FAF1: variants seen among roughly 807,000 people sequenced by gnomAD.
The protein encoded by FAF1 is Fas associated factor 1.
Under a neutral mutation model 92.5 loss-of-function variants are expected in FAF1, and 25 were observed. The observed-to-expected ratio is 0.27, with a 90% confidence interval of 0.20 to 0.38. FAF1 has a LOEUF of 0.38. Ranked by LOEUF, FAF1 falls within the 10% of genes least tolerant of loss-of-function variation. The pLI, the probability that FAF1 is intolerant of heterozygous loss-of-function variation, is 1.00. For missense variants in FAF1, 636 were observed against 793.3 expected, an observed-to-expected ratio of 0.80 and a Z score of 2.38; for synonymous variants, 234 against 273.2, an observed-to-expected ratio of 0.86 and a Z score of 1.42.
chr1:50,918,070 A>C (rs1222012817), intron 1 of FAF1, among the ~76,000 whole-genome samples: 1 of 152,106 alleles, frequency 6.6e-6, no homozygotes. Context: ...AGCCTCCCAA[A>C]GTGCTAGGAT....
chr1:50,773,529 T>C (rs1380414497), intron 4 of FAF1, among the ~76,000 whole-genome samples: 1 of 152,194 alleles, frequency 6.6e-6, no homozygotes, highest in Non-Finnish European at 1.5e-5. Context: ...TGCAACAACA[T>C]GAATGAGTCT....
chr1:50,753,757 CTTTTT>C (rs58567132), intron 4 of FAF1, among the ~76,000 whole-genome samples: 1 of 130,582 alleles, frequency 7.7e-6, no homozygotes, highest in Non-Finnish European at 1.7e-5. Context: ...ATTATCTGTT[CTTTTT>C]TTTTTTTTTT....
intron 2 of FAF1, among the ~76,000 whole-genome samples, chr1:50,806,896 A>T (rs1269562540): frequency 6.6e-6 from 1 of 152,218 alleles, no homozygotes; most frequent in East Asian, 1.9e-4. Context: ...CATTCAAAGG[A>T]TTAGCATTTT....
rs190646307 is a variant in FAF1, at chr1:50,773,114, A to T, written c.367+14886T>A. On this transcript the variant is annotated intron_variant, in intron 4 of 18. Transcript: ENST00000396153. ...ATGCTTTAACATAACACCTACAATTAAAAAAGGATTATAAATATGTGAGTA... is the reference window on the plus strand; with the variant it reads ...ATGCTTTAACATAACACCTACAATTTAAAAAGGATTATAAATATGTGAGTA... 5.9e-5 allele frequency among the ~76,000 whole-genome samples: 9 copies of T among 152,296 alleles called. No individual in the cohort carries two copies. In the South Asian group the frequency reaches 1.0e-3, roughly 18 times the overall value.
intron 1 of FAF1, among the ~76,000 whole-genome samples, chr1:50,952,956 G>A (rs894778122): frequency 6.6e-6 from 1 of 152,248 alleles, no homozygotes; most frequent in African/African-American, 2.4e-5. Flanking sequence ...ATAGAAAAGG[G>A]GGAAATGTGG....
At chr1:50,684,257 CTTTT>C (rs756495229) in intron 7 of FAF1, among the ~76,000 whole-genome samples, 5 of 114,432 alleles carry the variant, frequency 4.4e-5, no homozygotes, top group Admixed American at 9.1e-5. Context: ...TTCCAACAGA[CTTTT>C]TTTTTTTTTT....
chr1:50,569,874 G>T (rs1481797690), intron 12 of FAF1, among the ~76,000 whole-genome samples: 1 of 152,034 alleles, frequency 6.6e-6, no homozygotes, highest in Non-Finnish European at 1.5e-5. Flanking sequence ...CGACAGTGTT[G>T]ACTGAAACTA....
chr1:50,926,871 T>C (rs1645010009), intron 1 of FAF1, among the ~76,000 whole-genome samples: 3 of 152,198 alleles, frequency 2.0e-5, no homozygotes, highest in Non-Finnish European at 4.4e-5. Flanking sequence ...ACAACTCAAA[T>C]GTCCATCCAT....
intron 1 of FAF1, among the ~76,000 whole-genome samples, chr1:50,928,844 C>T (rs1645026716): frequency 6.7e-6 from 1 of 148,326 alleles, no homozygotes; most frequent in African/African-American, 2.5e-5. Context: ...TGCCTGTAAT[C>T]CCAGCACTTT....
At chr1:50,720,918 C>A (rs1297838115) in intron 6 of FAF1, among the ~76,000 whole-genome samples, 21 of 152,186 alleles carry the variant, frequency 1.4e-4, no homozygotes, top group Admixed American at 1.4e-3. Flanking sequence ...AAGCCCCACG[C>A]TCCTATTCCT....
Position 50,567,219 on chromosome 1 carries a change from C to A in FAF1, c.1126G>T (p.Ala376Ser). Residue 376 changes from alanine (A) to serine (S), a missense_variant, in exon 13 of 19, where the codon GCT (alanine) becomes TCT (serine). Ala to Ser is a moderately conservative substitution (Grantham distance 99). This residue lies in a region of FAF1 where 319 missense variants were observed against 451.0 expected (regional missense o/e 0.71). Transcript: ENST00000396153. ...YVKARDRKLLAIYLHHDESVL... is the reference protein window; with the variant it reads ...YVKARDRKLLSIYLHHDESVL... ...CTTTCATCATGGTGGAGGTAGATAG[C>A]AAGAAGCTTTCTCTGAAAAGAGGAG... 6.3e-7 allele frequency: 1 copy of A among 1,596,704 alleles called. No homozygotes were observed. The highest frequency in any genetic ancestry group is 8.5e-7 in the Non-Finnish European group (1 of 1,171,854).
At chr1:50,565,841 A>C (rs1442779744) in intron 13 of FAF1, among the ~76,000 whole-genome samples, 2 of 152,094 alleles carry the variant, frequency 1.3e-5, no homozygotes, top group Non-Finnish European at 1.5e-5. Flanking sequence ...GGATAAAAGG[A>C]AAGGAGGAGA....
Position 50,842,274 on chromosome 1 carries a change from G to A in FAF1, c.114+15655C>T, listed in dbSNP as rs139107899. Among the ~76,000 whole-genome samples, 100 of 152,158 alleles carry A rather than the reference G, an allele frequency of 6.6e-4. 1 individual carries two copies. The East Asian group carries it at 0.018, about 27-fold the overall frequency. ...CCTAGGTTGATGCAGCCCAAATGGT[G>A]TAAGGGAGGTAGGTAGATACCAAGA... On this transcript the variant is annotated intron_variant, in intron 2 of 18. Transcript: ENST00000396153.
chr1:50,534,250 G>A (rs1648342971), intron 15 of FAF1, among the ~76,000 whole-genome samples: 1 of 152,016 alleles, frequency 6.6e-6, no homozygotes, highest in Admixed American at 6.6e-5. Context: ...GATGATAATG[G>A]TTCCCTTTAG....
At chr1:50,674,508 T>C (rs1656032977) in intron 7 of FAF1, among the ~76,000 whole-genome samples, 1 of 152,234 alleles carries the variant, frequency 6.6e-6, no homozygotes, top group Admixed American at 6.5e-5. Flanking sequence ...CAAAGGGATA[T>C]TTCAGAGATT....
chr1:50,661,362 T>A (rs141277326), intron 7 of FAF1, among the ~76,000 whole-genome samples: 1 of 152,190 alleles, frequency 6.6e-6, no homozygotes. Flanking sequence ...TTTTTTGAAA[T>A]CTGGCCCACG....
chr1:50,800,890 G>C (rs2124591529), intron 3 of FAF1, among the ~76,000 whole-genome samples: 1 of 152,282 alleles, frequency 6.6e-6, no homozygotes, highest in Admixed American at 6.5e-5. Context: ...TGAGAGGAAA[G>C]GGGGGAAAAT....
intron 7 of FAF1, among the ~76,000 whole-genome samples, chr1:50,690,799 T>C (rs1212144183): frequency 1.3e-5 from 2 of 152,208 alleles, no homozygotes; most frequent in Admixed American, 6.5e-5. Context: ...GAGACTTGCC[T>C]ACTCTCGGCA....
intron 6 of FAF1, among the ~76,000 whole-genome samples, chr1:50,738,308 T>C (rs1557502021): frequency 6.6e-6 from 1 of 152,046 alleles, no homozygotes. Context: ...CTGGGCATGG[T>C]GGCACATGCC....
Sources: allele counts gnomAD v4.1 joint callset (sites outside exome capture counted in the v4.1 genomes callset), GRCh38; gene constraint gnomAD v4.1.1; regional missense constraint gnomAD v4.1.1; transcripts MANE v1.5; gene names NCBI Gene and HGNC (gene_info 2026-07-23, HGNC 2026-07-21).